MAGI1: variants seen among roughly 807,000 people sequenced by gnomAD.
MAGI1 encodes membrane associated guanylate kinase, WW and PDZ domain containing 1, also known as membrane-associated guanylate kinase, WW and PDZ domain-containing protein 1.
A neutral mutation model predicts 139.9 loss-of-function variants in MAGI1; 58 were observed. The observed-to-expected ratio is 0.41, with a 90% CI of 0.34 to 0.52. The LOEUF (loss-of-function observed/expected upper bound fraction) is 0.52. Ranked by LOEUF, MAGI1 falls within the 20% of genes least tolerant of loss-of-function variation. The pLI is 0.12. For missense variants in MAGI1, 1,874 were observed against 1,901.6 expected, an observed-to-expected ratio of 0.99 and a Z score of 0.27; for synonymous variants, 812 against 737.9, an observed-to-expected ratio of 1.10 and a Z score of -1.63.
In MAGI1 at chr3:65,641,034, CTT is replaced by C. The variant is rs571913665; in HGVS notation, c.314-18948_314-18947del. On this transcript the variant is annotated intron_variant, in intron 1 of 22. Coordinates refer to ENST00000402939, the MANE Select transcript of MAGI1 (RefSeq NM_001033057.2). ...GACTTTAAATAAATTTTGCAATGCCCTTTGAGACCAAACCACACCCTTGGAGA... is the reference window on the plus strand; with the variant it reads ...GACTTTAAATAAATTTTGCAATGCCCTGAGACCAAACCACACCCTTGGAGA... Among the ~76,000 whole-genome samples the C allele has an allele frequency of 3.3e-5, 5 of 152,088 alleles. 1 individual carries two copies. The South Asian group carries it at 1.0e-3, about 32-fold the overall frequency.
At chr3:65,618,696 T>C (rs957024892) in intron 2 of MAGI1, among the ~76,000 whole-genome samples, 4 of 152,218 alleles carry the variant, frequency 2.6e-5, no homozygotes, top group African/African-American at 9.6e-5. Flanking sequence ...TGTGTGACCT[T>C]AAGCAAACTA....
intron 1 of MAGI1, among the ~76,000 whole-genome samples, chr3:65,645,785 T>C (rs1399823157): frequency 1.3e-5 from 2 of 152,096 alleles, no homozygotes; most frequent in African/African-American, 4.8e-5. Context: ...TCAGCCAAAC[T>C]GGTAAAATGA....
intron 1 of MAGI1, among the ~76,000 whole-genome samples, chr3:65,979,858 G>A (rs918604578): frequency 6.6e-6 from 1 of 152,192 alleles, no homozygotes; most frequent in Non-Finnish European, 1.5e-5. Context: ...TCAATAAACT[G>A]TGAGCTCAGC....
At chr3:65,488,796 C>T (rs980240411) in intron 3 of MAGI1, among the ~76,000 whole-genome samples, 11 of 152,128 alleles carry the variant, frequency 7.2e-5, no homozygotes, top group African/African-American at 2.4e-4. Flanking sequence ...CTCAGCTTCC[C>T]GAGTAGCTGG....
At chr3:65,611,303 CTATATGTACA>C (rs1263797890) in intron 2 of MAGI1, among the ~76,000 whole-genome samples, 1 of 139,926 alleles carries the variant, frequency 7.1e-6, no homozygotes, top group African/African-American at 2.6e-5. Context: ...TGTGTATATA[CTATATGTACA>C]TATATGTACA....
chr3:65,478,693 G>T lies in MAGI1; in HGVS notation c.656C>A (p.Pro219Gln). ...SLQSGSKQST[P>Q]KRTKSYNDMQ... ...ATCATTGTAGGACTTGGTTCGCTTC[G>T]GGGTCGACTGCTTAGAGCCAGACTG... Residue 219 changes from proline to glutamine, a missense_variant, in exon 4 of 23, where the codon CCG (proline) becomes CAG (glutamine). Pro to Gln is a moderately conservative substitution (Grantham distance 76). Coordinates refer to ENST00000402939, the MANE Select transcript of MAGI1 (RefSeq NM_001033057.2). 6.2e-7 allele frequency: 1 copy of T among 1,613,976 alleles called. No individual in the cohort carries two copies. Among genetic ancestry groups the T allele is most frequent in the Non-Finnish European group, 8.5e-7 (1 of 1,179,970 alleles).
At chr3:65,750,090 G>A (rs2036022401) in intron 1 of MAGI1, among the ~76,000 whole-genome samples, 1 of 152,174 alleles carries the variant, frequency 6.6e-6, no homozygotes, top group Non-Finnish European at 1.5e-5. Flanking sequence ...AGGGTGCTGA[G>A]GCTGGGACAC....
chr3:65,994,124 AT>A (rs2107381476), intron 1 of MAGI1, among the ~76,000 whole-genome samples: 1 of 152,086 alleles, frequency 6.6e-6, no homozygotes, highest in South Asian at 2.1e-4. Flanking sequence ...AAATACAAAA[AT>A]TAGCCAGGCG....
intron 2 of MAGI1, among the ~76,000 whole-genome samples, chr3:65,548,509 CTCTTTTTTTTTTTT>C (rs2079617766): frequency 2.6e-5 from 3 of 117,404 alleles, no homozygotes; most frequent in Middle Eastern, 4.6e-3. Flanking sequence ...GCAAACAACA[CTCTTTTTTTTTTTT>C]TTTTTTTTTT....
chr3:66,005,969 G>C (rs935478423), intron 1 of MAGI1, among the ~76,000 whole-genome samples: 3 of 152,114 alleles, frequency 2.0e-5, no homozygotes, highest in Non-Finnish European at 2.9e-5. Flanking sequence ...ACTGGGCCTC[G>C]AGTCAGTCAC....
At chr3:65,603,627 T>TTAAAGCAGAACTA (rs1357103332) in intron 2 of MAGI1, among the ~76,000 whole-genome samples, 23 of 152,354 alleles carry the variant, frequency 1.5e-4, no homozygotes, top group Non-Finnish European at 2.5e-4. Context: ...GCTGGTCTTG[T>TTAAAGCAGAACTA]AAGCCTGAAT....
Position 65,638,597 on chromosome 3 carries a change from ATTTTTTTTTTTT to A in MAGI1, c.314-16521_314-16510del, listed in dbSNP as rs1173086138. 4.6e-3 allele frequency among the ~76,000 whole-genome samples: 189 copies of A among 41,014 alleles called. 5 individuals carry two copies. In the South Asian group the frequency reaches 0.1, roughly 22 times the overall value. 26.9% of individuals were successfully genotyped at this position (41,014 alleles called of 152,430 possible). A position where few individuals can be genotyped will look rare whatever the true frequency, so the allele number is the denominator to read the frequency against. ...AGGAGTGCGCCACCATGCTCTCCTG[ATTTTTTTTTTTT>A]TTTTTTTTTTTTTTTTTTCAGACAG... On this transcript the variant is annotated intron_variant, in intron 1 of 22. Transcript: ENST00000402939.
chr3:65,699,425 C>A (rs1278728703), intron 1 of MAGI1, among the ~76,000 whole-genome samples: 1 of 148,266 alleles, frequency 6.7e-6, no homozygotes, highest in South Asian at 2.1e-4. Flanking sequence ...GACACACGCA[C>A]ACATATGTTT....
At chr3:65,367,572 G>A (rs1013103823) in intron 18 of MAGI1, among the ~76,000 whole-genome samples, 4 of 152,148 alleles carry the variant, frequency 2.6e-5, no homozygotes, top group African/African-American at 4.8e-5. Context: ...GCCAAGCACT[G>A]TGCTAAGTCC....
At chr3:65,627,392 T>C (rs1162243360) in intron 1 of MAGI1, among the ~76,000 whole-genome samples, 11 of 150,904 alleles carry the variant, frequency 7.3e-5, no homozygotes, top group Non-Finnish European at 1.6e-4. Flanking sequence ...AAGAAAGGGG[T>C]TCAGAGTTTA....
intron 1 of MAGI1, among the ~76,000 whole-genome samples, chr3:65,850,511 G>C (rs759757649): frequency 5.3e-5 from 8 of 152,108 alleles, no homozygotes; most frequent in Non-Finnish European, 1.2e-4. Flanking sequence ...AGATACAAGG[G>C]AGGAACATTA....
At chr3:65,498,967 G>T in intron 2 of MAGI1, 2 of 980,424 alleles carry the variant, frequency 2.0e-6, no homozygotes, top group Non-Finnish European at 2.4e-6. Context: ...CCAGTACCAT[G>T]TCCCAAACAA....
intron 10 of MAGI1, among the ~76,000 whole-genome samples, chr3:65,432,368 C>A (rs565334574): frequency 6.6e-6 from 1 of 152,206 alleles, no homozygotes; most frequent in South Asian, 2.1e-4. Flanking sequence ...TCCCCTACAC[C>A]CCTGTACTAG....
At chr3:65,412,168 A>T (rs1232525832) in intron 12 of MAGI1, among the ~76,000 whole-genome samples, 2 of 152,052 alleles carry the variant, frequency 1.3e-5, no homozygotes, top group African/African-American at 4.8e-5. Flanking sequence ...TCCTGGACAC[A>T]CACTCCAGCC....
Sources: allele counts gnomAD v4.1 joint callset (sites outside exome capture counted in the v4.1 genomes callset), GRCh38; gene constraint gnomAD v4.1.1; transcripts MANE v1.5; gene names NCBI Gene and HGNC (gene_info 2026-07-23, HGNC 2026-07-21).